PCDHGA2: variants seen among roughly 807,000 people sequenced by gnomAD.
The protein encoded by PCDHGA2 is protocadherin gamma-A2.
In PCDHGA2, 40 loss-of-function variants were observed where a neutral mutation model predicts 59.2. That is an observed-to-expected ratio of 0.68 (90% CI 0.52 to 0.88). The LOEUF is 0.88. Ranked by LOEUF, PCDHGA2 falls within the 40% of genes least tolerant of loss-of-function variation. The pLI is 0.00. For missense variants in PCDHGA2, 1,226 were observed against 1,204.0 expected, an observed-to-expected ratio of 1.02 and a Z score of -0.27; for synonymous variants, 560 against 526.0, an observed-to-expected ratio of 1.06 and a Z score of -0.89.
intron 1 of PCDHGA2, chr5:141,409,553 G>T: frequency 6.2e-7 from 1 of 1,613,972 alleles, no homozygotes; most frequent in Non-Finnish European, 8.5e-7. Context: ...CAACGCCCCA[G>T]TTTTCGACCA....
At chr5:141,415,041 G>C in intron 1 of PCDHGA2, 2 of 1,613,530 alleles carry the variant, frequency 1.2e-6, no homozygotes, top group Non-Finnish European at 1.7e-6. Context: ...GACTCTTCGC[G>C]GTGGGGGAGC....
intron 1 of PCDHGA2, among the ~76,000 whole-genome samples, chr5:141,369,256 A>G (rs1385163233): frequency 6.6e-6 from 1 of 152,192 alleles, no homozygotes. Context: ...AAATAATATA[A>G]TTATAAGGAC....
At chr5:141,471,046 C>CTTT (rs1170588345) in intron 1 of PCDHGA2, among the ~76,000 whole-genome samples, 3 of 113,252 alleles carry the variant, frequency 2.6e-5, no homozygotes, top group Non-Finnish European at 5.4e-5. Context: ...CCCAAGCCCT[C>CTTT]TTTTTTTTTT....
chr5:141,430,255 T>TC (rs11167746), intron 1 of PCDHGA2, among the ~76,000 whole-genome samples: 81,857 of 151,872 alleles, frequency 0.54, 24,107 homozygotes, highest in African/African-American at 0.79. Flanking sequence ...GGGAGACATC[T>TC]CCATAATAGG....
At position 141,486,383 on chromosome 5, in the gene PCDHGA2, C is replaced by A. The variant is rs757384186; in HGVS notation, c.2425-8424C>A. On this transcript the variant is annotated intron_variant, in intron 1 of 3. Transcript: ENST00000394576. The surrounding 1 kb of genome is among the most constrained non-coding windows in gnomAD (Gnocchi z 5.0). ...TGCCCTCAAGTCTGCCTTCAGGAAC[C>A]AGTTCTCCCTGGTGACTGCTGGACC... The A allele has an allele frequency of 6.2e-7, 1 of 1,614,040 alleles. No homozygotes were observed. Among genetic ancestry groups the A allele is most frequent in the East Asian group, 2.2e-5 (1 of 44,884 alleles).
Position 141,477,952 on chromosome 5 carries a change from A to T in PCDHGA2, c.2425-16855A>T, listed in dbSNP as rs907708638. ...CCTGGCTCTCCTACAGTCTCTTGGG[A>T]TCCCCTAACCAGAGCCTTTTTGCCA... On this transcript the variant is annotated intron_variant, in intron 1 of 3. Coordinates refer to ENST00000394576, the MANE Select transcript of PCDHGA2 (RefSeq NM_018915.4). This position sits in a 1 kb window ranked among gnomAD's most constrained non-coding sequence, Gnocchi z 4.9. The T allele has an allele frequency of 1.9e-6, 3 of 1,613,920 alleles. No individual in the cohort carries two copies. The African/African-American group carries it at 4.0e-5, about 22-fold the overall frequency.
At chr5:141,483,104 A>G (rs2099577128) in intron 1 of PCDHGA2, among the ~76,000 whole-genome samples, 1 of 152,140 alleles carries the variant, frequency 6.6e-6, no homozygotes, top group African/African-American at 2.4e-5. Flanking sequence ...GTGTGCGTGT[A>G]AAACAGACAG....
At chr5:141,376,288 G>A (rs753554580) in intron 1 of PCDHGA2, 4 of 1,614,216 alleles carry the variant, frequency 2.5e-6, no homozygotes, top group South Asian at 2.2e-5. Flanking sequence ...TAGCGAGCAT[G>A]CCCGGCTCGC....
At chr5:141,391,498 G>A (rs974621252) in intron 1 of PCDHGA2, 1 of 151,980 alleles carries the variant, frequency 6.6e-6, no homozygotes, top group African/African-American at 2.4e-5. Flanking sequence ...TTTCAGTAGA[G>A]AAAATATTTT....
chr5:141,401,394 T>C (rs1444370873), intron 1 of PCDHGA2, among the ~76,000 whole-genome samples: 1 of 152,158 alleles, frequency 6.6e-6, no homozygotes, highest in Non-Finnish European at 1.5e-5. Context: ...CTACATGTTA[T>C]GTGTATGAGA....
In PCDHGA2 at chr5:141,476,506, C is replaced by T; in HGVS notation, c.2425-18301C>T. 1 of 1,614,068 alleles carries T rather than the reference C, an allele frequency of 6.2e-7. No homozygotes were observed. ...AAGTGGTGATCCAGGACATCAACGA[C>T]AACAATCCTGCTTTCCCTACCCAGG... On this transcript the variant is annotated intron_variant, in intron 1 of 3. Transcript: ENST00000394576. This position sits in a 1 kb window ranked among gnomAD's most constrained non-coding sequence, Gnocchi z 7.6.
rs2099648980 is a variant in PCDHGA2 at position 141,487,537 on chromosome 5, G to A, written c.2425-7270G>A. ...CTCGGAGTGATAGCTTCATGATGGT[G>A]AAGTCACCCAGTGCACCTATGGCAG... On this transcript the variant is annotated intron_variant, in intron 1 of 3. Transcript: ENST00000394576. The surrounding 1 kb of genome is among the most constrained non-coding windows in gnomAD (Gnocchi z 5.0). The A allele has an allele frequency of 1.2e-6, 2 of 1,614,188 alleles. No individual in the cohort carries two copies. Among genetic ancestry groups the A allele is most frequent in the Admixed American group, 1.7e-5 (1 of 60,028 alleles).
intron 1 of PCDHGA2, chr5:141,421,506 G>T: frequency 6.2e-7 from 1 of 1,614,076 alleles, no homozygotes; most frequent in Non-Finnish European, 8.5e-7. Context: ...GGATAGACCG[G>T]GAGGAGCTCT....
chr5:141,356,155 G>A lies in PCDHGA2; in HGVS notation c.2424+14760G>A, dbSNP rs542430789. 3.1e-6 allele frequency: 5 copies of A among 1,613,388 alleles called. No homozygotes were observed. In the South Asian group the frequency reaches 5.5e-5, roughly 18 times the overall value. Reference sequence around the variant, plus strand: ...GGACTCTGGATTCTATGACATAGATGTAGAAGCCCATGATGGGCCTGGTCT... The same window carrying A: ...GGACTCTGGATTCTATGACATAGATATAGAAGCCCATGATGGGCCTGGTCT... On this transcript the variant is annotated intron_variant, in intron 1 of 3. Transcript: ENST00000394576.
At chr5:141,427,992 T>C in intron 1 of PCDHGA2, 1 of 1,599,002 alleles carries the variant, frequency 6.3e-7, no homozygotes, top group Non-Finnish European at 8.6e-7. Context: ...GCCCGATGGC[T>C]CCGCACTCTT....
At chr5:141,375,535 C>A (rs548065153) in intron 1 of PCDHGA2, 105 of 1,613,900 alleles carry the variant, frequency 6.5e-5, no homozygotes, top group Non-Finnish European at 8.3e-5. Context: ...TGGACCAGAA[C>A]GCCCAAGTCT....
In PCDHGA2 at chr5:141,344,630, C is replaced by A. The variant is rs372984587; in HGVS notation, c.2424+3235C>A. 4.6e-5 allele frequency: 74 copies of A among 1,613,862 alleles called. 1 individual carries two copies. The South Asian group carries it at 7.7e-4, about 17-fold the overall frequency. On this transcript the variant is annotated intron_variant, in intron 1 of 3. Coordinates refer to ENST00000394576, the MANE Select transcript of PCDHGA2 (RefSeq NM_018915.4). ...ATCCAGAGCTGGTGCTGGAGCGGGCCCTGGACCGTGAGAAAAAAGAAATTC... is the reference window on the plus strand; with the variant it reads ...ATCCAGAGCTGGTGCTGGAGCGGGCACTGGACCGTGAGAAAAAAGAAATTC...
At chr5:141,462,542 T>C (rs910054469) in intron 1 of PCDHGA2, among the ~76,000 whole-genome samples, 1 of 152,222 alleles carries the variant, frequency 6.6e-6, no homozygotes, top group Non-Finnish European at 1.5e-5. Flanking sequence ...AGTGATCTTT[T>C]CTTCTTCAGT....
chr5:141,414,724 G>A (rs1461729604), intron 1 of PCDHGA2: 48 of 1,614,138 alleles, frequency 3.0e-5, no homozygotes, highest in Non-Finnish European at 3.9e-5. Context: ...AGACACTGGC[G>A]TCCTGTATGC....
Sources: allele counts gnomAD v4.1 joint callset (sites outside exome capture counted in the v4.1 genomes callset), GRCh38; gene constraint gnomAD v4.1.1; non-coding constraint Gnocchi (gnomAD v3.1); transcripts MANE v1.5; gene names NCBI Gene and HGNC (gene_info 2026-07-23, HGNC 2026-07-21).